Variants in KIRREL3 observed in about 807,000 individuals in gnomAD.
KIRREL3 encodes kin of IRRE-like protein 3.
KIRREL3 carries 36 observed loss-of-function variants against 89.7 expected under a neutral mutation model. The ratio of observed to expected loss-of-function variants is 0.40; its 90% CI spans 0.31 to 0.53. The LOEUF (loss-of-function observed/expected upper bound fraction) is 0.53, where lower values mean the gene tolerates loss of function less well. Ranked by LOEUF, KIRREL3 falls within the 20% of genes least tolerant of loss-of-function variation. The probability of loss-of-function intolerance (pLI) is 0.49; values close to 1 mark genes in which losing one functional copy is unlikely to be tolerated. For synonymous variants in KIRREL3, 445 were observed against 441.4 expected (o/e 1.01, Z -0.10); for missense variants, 864 against 1,056.6 (o/e 0.82, Z 2.53).
In KIRREL3 at chr11:126,744,563, AGT is replaced by A. The variant is rs1379370336; in HGVS notation, c.56-181653_56-181652del. 2.0e-5 allele frequency among the ~76,000 whole-genome samples: 3 copies of A among 152,212 alleles called. No individual in the cohort carries two copies. Among genetic ancestry groups the A allele is most frequent in the Admixed American group, 6.5e-5 (1 of 15,288 alleles). ...AAGCAGCAGAGACCTCAATTTTCAA[AGT>A]GTGTATCTGGAACAATACAGAACAG... On this transcript the variant is annotated intron_variant, in intron 1 of 16. Transcript: ENST00000525144. This position sits in a 1 kb window ranked among gnomAD's most constrained non-coding sequence, Gnocchi z 4.7.
At chr11:126,517,790 C>T (rs919616083) in intron 4 of KIRREL3, among the ~76,000 whole-genome samples, 5 of 152,176 alleles carry the variant, frequency 3.3e-5, no homozygotes, top group Non-Finnish European at 7.4e-5. Context: ...TATTTATCAC[C>T]ACCTCTCATT....
intron 1 of KIRREL3, among the ~76,000 whole-genome samples, chr11:126,873,272 A>T (rs1945166484): frequency 6.6e-6 from 1 of 152,224 alleles, no homozygotes; most frequent in Non-Finnish European, 1.5e-5. Context: ...AAAATGTTTT[A>T]CTTTAATGTG....
chr11:126,888,693 C>T (rs1010298320), intron 1 of KIRREL3, among the ~76,000 whole-genome samples: 3 of 152,138 alleles, frequency 2.0e-5, no homozygotes, highest in Non-Finnish European at 4.4e-5. Context: ...CCAGGTGACG[C>T]CGCTCGAGGT....
Position 126,576,789 on chromosome 11 carries a change from G to A in KIRREL3, c.56-13877C>T, listed in dbSNP as rs1941275759. 6.6e-6 allele frequency among the ~76,000 whole-genome samples: 1 copy of A among 152,172 alleles called. No homozygotes were observed. Among genetic ancestry groups the A allele is most frequent in the African/African-American group, 2.4e-5 (1 of 41,442 alleles). On this transcript the variant is annotated intron_variant, in intron 1 of 16. Transcript: ENST00000525144. This position sits in a 1 kb window ranked among gnomAD's most constrained non-coding sequence, Gnocchi z 5.4. Reference sequence around the variant, plus strand: ...AGAGGGTCCTTTTTAATCAGCTGAGGAGCAAGGGATTCCTGAGCCACAAAT... The same window carrying A: ...AGAGGGTCCTTTTTAATCAGCTGAGAAGCAAGGGATTCCTGAGCCACAAAT...
At position 127,000,396 on chromosome 11, in the gene KIRREL3, T is replaced by C. The variant is rs1950288369; in HGVS notation, c.55+59A>G. 1 of 1,473,258 alleles carries C rather than the reference T, an allele frequency of 6.8e-7. No homozygotes were observed. Among genetic ancestry groups the C allele is most frequent in the Admixed American group, 2.0e-5 (1 of 49,632 alleles). 91.3% of individuals were successfully genotyped at this position (1,473,258 alleles called of 1,614,324 possible). Reference sequence around the variant, plus strand: ...CCTGCCCACGTTCCTGCCCACAGCCTCCCGCGCCCTGACAACCCAGCCGAC... The same window carrying C: ...CCTGCCCACGTTCCTGCCCACAGCCCCCCGCGCCCTGACAACCCAGCCGAC... On this transcript the variant is annotated intron_variant, in intron 1 of 16. Transcript: ENST00000525144. This position sits in a 1 kb window ranked among gnomAD's most constrained non-coding sequence, Gnocchi z 7.1.
At position 126,938,581 on chromosome 11, in the gene KIRREL3, C is replaced by A. The variant is rs745476939; in HGVS notation, c.55+61874G>T. Among the ~76,000 whole-genome samples, 142 of 152,288 alleles carry A rather than the reference C, an allele frequency of 9.3e-4. 2 individuals carry two copies. Among genetic ancestry groups the A allele is most frequent in the Non-Finnish European group, 2.4e-4 (16 of 68,022 alleles). The stretch of plus-strand genomic sequence containing the variant: ...GATTAGGCAACCAGCTACTCTAGGT[C>A]TCCACTGATTAAAAACATTATGTAT... On this transcript the variant is annotated intron_variant, in intron 1 of 16. Transcript: ENST00000525144.
chr11:126,727,721 T>C (rs1948447764), intron 1 of KIRREL3, among the ~76,000 whole-genome samples: 1 of 152,258 alleles, frequency 6.6e-6, no homozygotes, highest in Admixed American at 6.5e-5. Flanking sequence ...AAAATCAGAT[T>C]TGACTTAGCT....
At position 126,812,201 on chromosome 11, in the gene KIRREL3, G is replaced by A. The variant is rs1440406381; in HGVS notation, c.55+188254C>T. 1.3e-5 allele frequency among the ~76,000 whole-genome samples: 2 copies of A among 152,122 alleles called. No homozygotes were observed. Among genetic ancestry groups the A allele is most frequent in the Admixed American group, 6.5e-5 (1 of 15,282 alleles). On this transcript the variant is annotated intron_variant, in intron 1 of 16. Transcript: ENST00000525144. The surrounding 1 kb of genome is among the most constrained non-coding windows in gnomAD (Gnocchi z 5.2). The stretch of plus-strand genomic sequence containing the variant: ...GATCATAAGAAGAAGAAGGCCAAAG[G>A]ATCATTAATTTCCTTACTTTGGAAC...
chr11:126,858,010 A>C (rs992983067), intron 1 of KIRREL3, among the ~76,000 whole-genome samples: 1 of 152,134 alleles, frequency 6.6e-6, no homozygotes, highest in Non-Finnish European at 1.5e-5. Flanking sequence ...TGGGCTTACC[A>C]CTTTAACATG....
intron 5 of KIRREL3, among the ~76,000 whole-genome samples, chr11:126,465,390 C>T (rs1220744137): frequency 2.6e-5 from 4 of 152,182 alleles, no homozygotes; most frequent in Non-Finnish European, 5.9e-5. Context: ...TGGGTGAACC[C>T]TGAGCCACAG....
intron 1 of KIRREL3, among the ~76,000 whole-genome samples, chr11:126,737,267 G>A (rs1300162566): frequency 6.6e-6 from 1 of 152,060 alleles, no homozygotes; most frequent in Non-Finnish European, 1.5e-5. Context: ...CTCAGGAAGG[G>A]GGCAGGGAGG....
At chr11:126,937,345 T>A (rs1948233476) in intron 1 of KIRREL3, among the ~76,000 whole-genome samples, 1 of 152,230 alleles carries the variant, frequency 6.6e-6, no homozygotes, top group Admixed American at 6.5e-5. Context: ...ATAGGGATAA[T>A]AACTTACTTT....
intron 1 of KIRREL3, among the ~76,000 whole-genome samples, chr11:126,798,939 G>A (rs957120258): frequency 8.5e-5 from 13 of 152,206 alleles, no homozygotes; most frequent in Admixed American, 3.3e-4. Flanking sequence ...CGCCACAGAG[G>A]AGCACATGCA....
Position 126,909,249 on chromosome 11 carries a change from T to C in KIRREL3, c.55+91206A>G, listed in dbSNP as rs1375927325. ...CGGAGAGGGAGGAGTTCATGGGAGG[T>C]GTGGCACTAAAACCCAGGCTCCGGC... On this transcript the variant is annotated intron_variant, in intron 1 of 16. Coordinates refer to ENST00000525144, the MANE Select transcript of KIRREL3 (RefSeq NM_032531.4). This position sits in a 1 kb window ranked among gnomAD's most constrained non-coding sequence, Gnocchi z 4.5. 4.0e-5 allele frequency among the ~76,000 whole-genome samples: 6 copies of C among 151,698 alleles called. No individual in the cohort carries two copies. Among genetic ancestry groups the C allele is most frequent in the African/African-American group, 1.5e-4 (6 of 41,282 alleles).
rs560377058 is a variant in KIRREL3 at position 126,499,146 on chromosome 11, C to T, written c.433+22169G>A. ...CAGCCTGGACAACAGAGCAAGACTCCGTTTCAAAAAAAAAAAAAAAAGCTG... is the reference window on the plus strand; with the variant it reads ...CAGCCTGGACAACAGAGCAAGACTCTGTTTCAAAAAAAAAAAAAAAAGCTG... On this transcript the variant is annotated intron_variant, in intron 4 of 16. Transcript: ENST00000525144. Among the ~76,000 whole-genome samples the T allele has an allele frequency of 7.8e-4, 29 of 37,378 alleles. 1 individual carries two copies. Among genetic ancestry groups the T allele is most frequent in the African/African-American group, 1.2e-3 (10 of 8,124 alleles). 24.5% of individuals were successfully genotyped at this position (37,378 alleles called of 152,430 possible). A position where few individuals can be genotyped will look rare whatever the true frequency, so the allele number is the denominator to read the frequency against.
chr11:126,793,293 T>C (rs778025973), intron 1 of KIRREL3, among the ~76,000 whole-genome samples: 1 of 152,124 alleles, frequency 6.6e-6, no homozygotes. Context: ...CCATGGGTCT[T>C]ATTTTAGTTT....
Position 126,994,458 on chromosome 11 carries a change from T to A in KIRREL3, c.55+5997A>T, listed in dbSNP as rs1696318741. 6.6e-6 allele frequency among the ~76,000 whole-genome samples: 1 copy of A among 152,244 alleles called. No individual in the cohort carries two copies. Among genetic ancestry groups the A allele is most frequent in the African/African-American group, 2.4e-5 (1 of 41,444 alleles). ...GTTACCAAGTATGCCAAGGAATAGC[T>A]GACATTTATTTAATGTTCATAGTGG... On this transcript the variant is annotated intron_variant, in intron 1 of 16. Transcript: ENST00000525144. The surrounding 1 kb of genome is among the most constrained non-coding windows in gnomAD (Gnocchi z 5.2).
rs1286078049 is a variant in KIRREL3 at position 126,755,027 on chromosome 11, T to C, written c.56-192115A>G. On this transcript the variant is annotated intron_variant, in intron 1 of 16. Coordinates refer to ENST00000525144, the MANE Select transcript of KIRREL3 (RefSeq NM_032531.4). This position sits in a 1 kb window ranked among gnomAD's most constrained non-coding sequence, Gnocchi z 4.3. ...AAGAAAGGTTTGTATGAGTTTAAAT[T>C]GGGCCCAAGGAACCCAGATAAGAGT... 6.6e-6 allele frequency among the ~76,000 whole-genome samples: 1 copy of C among 152,208 alleles called. No individual in the cohort carries two copies. The highest frequency in any genetic ancestry group is 1.5e-5 in the Non-Finnish European group (1 of 68,034).
chr11:126,444,228 C>T (rs982121319), intron 10 of KIRREL3, among the ~76,000 whole-genome samples: 2 of 152,208 alleles, frequency 1.3e-5, no homozygotes, highest in Non-Finnish European at 2.9e-5. Flanking sequence ...CCCCTGCCCT[C>T]AAGGGGGCCC....
Sources: gnomAD v4.1 joint callset for allele counts (sites outside exome capture counted in the v4.1 genomes callset) on GRCh38, gnomAD v4.1.1 for gene constraint, Gnocchi (gnomAD v3.1) non-coding constraint, MANE v1.5 for transcripts, NCBI Gene and HGNC (gene_info 2026-07-23, HGNC 2026-07-21) for gene names.